Variants in CYTIP observed in about 807,000 individuals in gnomAD.
CYTIP encodes cytohesin-interacting protein.
A neutral mutation model predicts 43.8 loss-of-function variants in CYTIP; 26 were observed. The observed-to-expected ratio is 0.59, with a 90% CI of 0.44 to 0.82. CYTIP has a LOEUF of 0.82. CYTIP is among the 40% of genes least tolerant of loss of function. The pLI is 0.00. For synonymous variants in CYTIP, 162 were observed against 162.9 expected, an observed-to-expected ratio of 0.99 and a Z score of 0.04; for missense variants, 426 against 443.1, an observed-to-expected ratio of 0.96 and a Z score of 0.35.
chr2:157,434,955 C>T (rs1455509315), intron 1 of CYTIP, among the ~76,000 whole-genome samples: 1 of 149,790 alleles, frequency 6.7e-6, no homozygotes, highest in East Asian at 2.1e-4. Context: ...TGCATAAAGG[C>T]AGCCATTTCC....
Position 157,415,035 on chromosome 2 carries a change from A to C in CYTIP, c.*642T>G, listed in dbSNP as rs3739113. The C allele has an allele frequency of 1.3e-5, 2 of 152,228 alleles. No individual in the cohort carries two copies. The highest frequency in any genetic ancestry group is 4.8e-5 in the African/African-American group (2 of 41,456). 9.4% of individuals were successfully genotyped at this position (152,228 alleles called of 1,614,324 possible). A position where few individuals can be genotyped will look rare whatever the true frequency, so the allele number is the denominator to read the frequency against. On this transcript the variant is annotated 3_prime_UTR_variant, in exon 8 of 8. Transcript: ENST00000264192. ...ACCCATTTTGTTTAGACTGTCTATA[A>C]AAATGACTTTATTATGATCTTTGCA...
At chr2:157,431,353 T>A (rs1685712173) in intron 3 of CYTIP, among the ~76,000 whole-genome samples, 1 of 152,244 alleles carries the variant, frequency 6.6e-6, no homozygotes, top group South Asian at 2.1e-4. Context: ...ACACTCATTA[T>A]AGGAGTATGA....
chr2:157,427,336 A>T lies in CYTIP; in HGVS notation c.546+15T>A, dbSNP rs1437408886. On this transcript the variant is annotated intron_variant, in intron 6 of 7. Transcript: ENST00000264192. Reference sequence around the variant, plus strand: ...AAGGATGAAAAATGTGCCTCACTGCATTAAATTAAATTACCTTTAAAACCT... The same window carrying T: ...AAGGATGAAAAATGTGCCTCACTGCTTTAAATTAAATTACCTTTAAAACCT... 1 of 1,597,460 alleles carries T rather than the reference A, an allele frequency of 6.3e-7. No individual in the cohort carries two copies. Among genetic ancestry groups the T allele is most frequent in the South Asian group, 1.1e-5 (1 of 88,172 alleles).
chr2:157,441,593 T>C (rs7605373), intron 1 of CYTIP, among the ~76,000 whole-genome samples: 111,668 of 148,584 alleles, frequency 0.75, 41,360 homozygotes, highest in East Asian at 0.94. Context: ...TGTACATGTA[T>C]ATATGCACAT....
At chr2:157,433,866 T>A (rs759362583) in intron 3 of CYTIP, among the ~76,000 whole-genome samples, 1 of 152,202 alleles carries the variant, frequency 6.6e-6, no homozygotes, top group Admixed American at 6.5e-5. Context: ...AAATTGCTCA[T>A]TATGTACAAT....
chr2:157,435,418 C>T lies in CYTIP; in HGVS notation c.175-671G>A, dbSNP rs78216848. ...TTTTGTAATAGTTTTGGAAGACTAA[C>T]GTGAAATTTCCAGCCAAGAAAGGAA... On this transcript the variant is annotated intron_variant, in intron 1 of 7. Transcript: ENST00000264192. 3.9e-3 allele frequency among the ~76,000 whole-genome samples: 588 copies of T among 152,196 alleles called. 14 individuals are homozygous for T. Among genetic ancestry groups the T allele is most frequent in the East Asian group, 8.7e-3 (45 of 5,190 alleles).
rs775588319 is a variant in CYTIP, at chr2:157,430,568, T to C, written c.467A>G (p.Asn156Ser). The C allele has an allele frequency of 8.1e-6, 13 of 1,613,988 alleles. No homozygotes were observed. The East Asian group carries it at 2.0e-4, about 25-fold the overall frequency. ...CTAGACAGATAGTTACGTTAGCAGG[T>C]TTCCGGACGATCTGATCAGGTCAAC... is the stretch of plus-strand genomic sequence containing the variant. Reference protein sequence around the residue: ...QVVDLIRSSGNLLTIETLNGT... With the variant: ...QVVDLIRSSGSLLTIETLNGT... Residue 156 changes from asparagine (N) to serine (S), a missense_variant, in exon 5 of 8, where the codon AAC (asparagine) becomes AGC (serine). Asn to Ser is a conservative substitution (Grantham distance 46). Coordinates refer to ENST00000264192, the MANE Select transcript of CYTIP (RefSeq NM_004288.5).
chr2:157,425,171 T>C (rs979830518), intron 6 of CYTIP, among the ~76,000 whole-genome samples: 2 of 152,192 alleles, frequency 1.3e-5, no homozygotes, highest in Non-Finnish European at 2.9e-5. Context: ...AGGAGTAATA[T>C]ATTCAAAGTG....
chr2:157,433,446 TTAAAA>T (rs1685745498), intron 3 of CYTIP, among the ~76,000 whole-genome samples: 1 of 152,194 alleles, frequency 6.6e-6, no homozygotes, highest in Non-Finnish European at 1.5e-5. Flanking sequence ...GTTCCTAATC[TTAAAA>T]TAAACACTGA....
At chr2:157,438,723 A>C (rs1685855299) in intron 1 of CYTIP, among the ~76,000 whole-genome samples, 1 of 152,178 alleles carries the variant, frequency 6.6e-6, no homozygotes, top group Non-Finnish European at 1.5e-5. Flanking sequence ...AAAACAGACA[A>C]GAACAAAAAA....
chr2:157,426,428 G>T (rs1015175281), intron 6 of CYTIP, among the ~76,000 whole-genome samples: 1 of 152,184 alleles, frequency 6.6e-6, no homozygotes, highest in East Asian at 1.9e-4. Flanking sequence ...CCAAACCAAT[G>T]TTGACAAAGA....
intron 3 of CYTIP, 23 bp from the exon 4 acceptor site, chr2:157,430,985 T>C (rs751870123): frequency 3.2e-6 from 5 of 1,568,458 alleles, no homozygotes; most frequent in African/African-American, 2.7e-5. Context: ...AGATGATATA[T>C]AGTTACTATT....
At chr2:157,423,802 G>A (rs558631583) in intron 6 of CYTIP, among the ~76,000 whole-genome samples, 1 of 151,898 alleles carries the variant, frequency 6.6e-6, no homozygotes, top group Non-Finnish European at 1.5e-5. Context: ...AGCCAGCTTG[G>A]GTTTATCATA....
intron 6 of CYTIP, among the ~76,000 whole-genome samples, chr2:157,419,996 A>T (rs1558937096): frequency 6.6e-6 from 1 of 152,192 alleles, no homozygotes. Flanking sequence ...GACTCAATCA[A>T]CTTCTTGTTC....
intron 6 of CYTIP, among the ~76,000 whole-genome samples, chr2:157,419,829 C>T (rs911899441): frequency 1.4e-4 from 22 of 152,182 alleles, no homozygotes; most frequent in African/African-American, 4.3e-4. Context: ...ATTGCAAGAA[C>T]GTCATTAAAT....
intron 6 of CYTIP, among the ~76,000 whole-genome samples, chr2:157,425,481 T>C (rs917718464): frequency 6.6e-6 from 1 of 152,148 alleles, no homozygotes; most frequent in Non-Finnish European, 1.5e-5. Context: ...ATAAGGAATA[T>C]AGGGTCTTCA....
At chr2:157,438,477 T>C (rs1257771502) in intron 1 of CYTIP, among the ~76,000 whole-genome samples, 3 of 152,190 alleles carry the variant, frequency 2.0e-5, no homozygotes, top group African/African-American at 4.8e-5. Context: ...AGGCTAACTA[T>C]AGTTAACAAT....
At chr2:157,425,475 G>A (rs2105136748) in intron 6 of CYTIP, among the ~76,000 whole-genome samples, 1 of 152,222 alleles carries the variant, frequency 6.6e-6, no homozygotes, top group South Asian at 2.1e-4. Context: ...AGTATAATAA[G>A]GAATATAGGG....
intron 6 of CYTIP, among the ~76,000 whole-genome samples, chr2:157,424,081 C>G (rs1376636108): frequency 3.9e-5 from 6 of 152,108 alleles, no homozygotes. Flanking sequence ...ATGCCTACAA[C>G]CATAATTTCT....
Sources: allele counts gnomAD v4.1 joint callset (sites outside exome capture counted in the v4.1 genomes callset), GRCh38; gene constraint gnomAD v4.1.1; transcripts MANE v1.5; gene names NCBI Gene and HGNC (gene_info 2026-07-23, HGNC 2026-07-21).